SLIT1: variants seen among roughly 807,000 people sequenced by gnomAD.
SLIT1 encodes the protein slit guidance ligand 1.
SLIT1 carries 66 observed loss-of-function variants against 186.1 expected under a neutral mutation model. The ratio of observed to expected loss-of-function variants is 0.35; its 90% CI spans 0.29 to 0.44. The LOEUF (loss-of-function observed/expected upper bound fraction) is 0.44. Ranked by LOEUF, SLIT1 falls within the 20% of genes least tolerant of loss-of-function variation. The probability of loss-of-function intolerance (pLI) is 1.00; values close to 1 mark genes in which losing one functional copy is unlikely to be tolerated. For synonymous variants in SLIT1, 761 were observed against 833.8 expected (o/e 0.91, Z 1.50); for missense variants, 1,638 against 2,037.4 (o/e 0.80, Z 3.77).
At chr10:97,034,442 C>T in intron 23 of SLIT1, 29 bp downstream of exon 23, 5 of 1,579,106 alleles carry the variant, frequency 3.2e-6, no homozygotes, top group South Asian at 1.1e-5. Flanking sequence ...GGCCCCGGGG[C>T]CCCCCACCCC....
rs201720704 is a variant in SLIT1 at position 97,002,301 on chromosome 10, G to A, written c.4223C>T (p.Ser1408Leu). 184 of 1,611,410 alleles carry A rather than the reference G, an allele frequency of 1.1e-4. 1 individual carries two copies. In the East Asian group the frequency reaches 2.6e-3, roughly 22 times the overall value. The change falls in exon 36 of 37, where the codon TCG (serine) becomes TTG (leucine). Residue 1408 changes from serine to leucine, a missense_variant. Physicochemically the swap from Ser to Leu is moderately radical, Grantham distance 145. Coordinates refer to ENST00000266058, the MANE Select transcript of SLIT1 (RefSeq NM_003061.3). ...CCCGGCCTGGTTGCACAGTGCCCCC[G>A]AGTACCCATCCTGGCACTGGCAGCT... ...SYSCQCQDGY[S>L]GALCNQAGAL...
rs1394843983 is a variant in SLIT1 at position 97,063,474 on chromosome 10, C to T, written c.774G>A (p.Lys258=). 1.9e-6 allele frequency: 3 copies of T among 1,612,708 alleles called. No individual in the cohort carries two copies. In the Admixed American group the frequency reaches 5.0e-5, roughly 27 times the overall value. The change falls in exon 8 of 37, where the codon AAG becomes AAA. Residue 258 remains lysine (K), a synonymous_variant. Coordinates refer to ENST00000266058, the MANE Select transcript of SLIT1 (RefSeq NM_003061.3). Reference sequence around the variant, plus strand: ...ACCCACCTGAGCAGCTGAACTCACTCTTCTGGACCTCTGCCACATTGAGGC... The same window carrying T: ...ACCCACCTGAGCAGCTGAACTCACTTTTCTGGACCTCTGCCACATTGAGGC... ...LRGLNVAEVQ[K]SEFSCSGQGE... is the part of the protein sequence containing the mutation.
intron 1 of SLIT1, among the ~76,000 whole-genome samples, chr10:97,165,635 A>T (rs1206411027): frequency 6.6e-6 from 1 of 152,150 alleles, no homozygotes; most frequent in Non-Finnish European, 1.5e-5. Context: ...GCAGGCCCAG[A>T]TCACAGAAGG....
intron 4 of SLIT1, among the ~76,000 whole-genome samples, chr10:97,108,298 C>G (rs560670050): frequency 6.6e-6 from 1 of 152,212 alleles, no homozygotes; most frequent in East Asian, 1.9e-4. Context: ...GTCACTTTAA[C>G]CACATCACTT....
At chr10:97,058,295 G>A (rs964473309) in intron 11 of SLIT1, among the ~76,000 whole-genome samples, 3 of 152,198 alleles carry the variant, frequency 2.0e-5, no homozygotes, top group African/African-American at 4.8e-5. Context: ...CACTGTTGAT[G>A]GGGTGTACTG....
At chr10:97,119,626 G>T (rs1176792786) in intron 4 of SLIT1, among the ~76,000 whole-genome samples, 1 of 151,724 alleles carries the variant, frequency 6.6e-6, no homozygotes, top group Non-Finnish European at 1.5e-5. Flanking sequence ...ACGGCGCCTT[G>T]GGTTCACCCA....
In SLIT1 at chr10:97,010,865, A is replaced by T; in HGVS notation, c.3341+128T>A. The T allele has an allele frequency of 1.1e-6, 1 of 874,908 alleles. No individual in the cohort carries two copies. The highest frequency in any genetic ancestry group is 1.7e-6 in the Non-Finnish European group (1 of 571,764). 54.2% of individuals were successfully genotyped at this position (874,908 alleles called of 1,614,324 possible). On this transcript the variant is annotated intron_variant, in intron 31 of 36. Coordinates refer to ENST00000266058, the MANE Select transcript of SLIT1 (RefSeq NM_003061.3). This position sits in a 1 kb window ranked among gnomAD's most constrained non-coding sequence, Gnocchi z 4.8. ...GCTGGTGACTGGCAGAGCCACGGTT[A>T]AAACCCCAGCATCCAACTTCCAGGC...
intron 4 of SLIT1, chr10:97,157,509 A>G (rs1057087688): frequency 2.7e-6 from 1 of 368,838 alleles, no homozygotes. Flanking sequence ...GAGCCCCTGT[A>G]AAGGCTGGCA....
chr10:97,011,000 C>T lies in SLIT1; in HGVS notation c.3334G>A (p.Gly1112Ser). The T allele has an allele frequency of 1.2e-6, 2 of 1,614,080 alleles. No homozygotes were observed. The highest frequency in any genetic ancestry group is 2.2e-5 in the East Asian group (1 of 44,888). Residue 1112 changes from glycine to serine, a missense_variant, in exon 31 of 37, where the codon GGC becomes AGC. Coordinates refer to ENST00000266058, the MANE Select transcript of SLIT1 (RefSeq NM_003061.3). This position sits in a 1 kb window ranked among gnomAD's most constrained non-coding sequence, Gnocchi z 4.8. ...VNSYSCLCAE[G>S]YSGQLCEIPP... ...TGTCCAGGGGCTGCTCACCTGTAGC[C>T]CTCAGCACAGAGGCAGGAGTAGCTG...
intron 22 of SLIT1, among the ~76,000 whole-genome samples, chr10:97,037,467 CAGG>C (rs1050560728): frequency 6.6e-6 from 1 of 152,046 alleles, no homozygotes; most frequent in Non-Finnish European, 1.5e-5. Context: ...ACGGCGTGGG[CAGG>C]AGGAGGAGGC....
intron 4 of SLIT1, among the ~76,000 whole-genome samples, chr10:97,120,555 C>T (rs1261647354): frequency 1.3e-5 from 2 of 152,220 alleles, no homozygotes; most frequent in African/African-American, 4.8e-5. Context: ...TGCTTCACAC[C>T]GTGTGCACGG....
chr10:97,153,245 A>G (rs1184593611), intron 4 of SLIT1: 1 of 152,236 alleles, frequency 6.6e-6, no homozygotes, highest in Non-Finnish European at 1.5e-5. Flanking sequence ...AAATAGACAG[A>G]CTAACCTCAC....
chr10:97,133,678 T>A (rs1849675556), intron 4 of SLIT1, among the ~76,000 whole-genome samples: 1 of 152,200 alleles, frequency 6.6e-6, no homozygotes, highest in African/African-American at 2.4e-5. Context: ...ACAATTTAAA[T>A]TTTTTTAATA....
rs1221870454 is a variant in SLIT1, at chr10:97,002,360, A to G, written c.4164T>C (p.His1388=). ...GAGCGTCGAGGGGCACGCATTGCCC[A>G]TGGACACACCTGGAGGAGACAGAGA... ...DGPCHGHKCV[H]GQCVPLDALS... Residue 1388 remains histidine (H), a synonymous_variant, in exon 36 of 37, where the codon CAT becomes CAC. Coordinates refer to ENST00000266058, the MANE Select transcript of SLIT1 (RefSeq NM_003061.3). 6.2e-7 allele frequency: 1 copy of G among 1,603,502 alleles called. No individual in the cohort carries two copies. Among genetic ancestry groups the G allele is most frequent in the Non-Finnish European group, 8.5e-7 (1 of 1,175,976 alleles).
intron 4 of SLIT1, among the ~76,000 whole-genome samples, chr10:97,089,810 T>C (rs1849211275): frequency 6.6e-6 from 1 of 152,056 alleles, no homozygotes; most frequent in Non-Finnish European, 1.5e-5. Context: ...CAACAAGCAT[T>C]TCACATGTCA....
chr10:97,040,788 C>CA (rs979994477), intron 20 of SLIT1, among the ~76,000 whole-genome samples: 27 of 152,290 alleles, frequency 1.8e-4, no homozygotes, highest in African/African-American at 6.3e-4. Flanking sequence ...TTCATCTATT[C>CA]AAAAAATCTG....
chr10:97,004,927 T>G lies in SLIT1; in HGVS notation c.3580-104A>C. On this transcript the variant is annotated intron_variant, in intron 32 of 36. Transcript: ENST00000266058. The surrounding 1 kb of genome is among the most constrained non-coding windows in gnomAD (Gnocchi z 5.1). ...ACCCAAGATTGGAAGAGAGATGCTC[T>G]GTGCAGAGCGCTCTTCCCCCACCTG... 1 of 1,381,094 alleles carries G rather than the reference T, an allele frequency of 7.2e-7. No individual in the cohort carries two copies. Among genetic ancestry groups the G allele is most frequent in the Non-Finnish European group, 1.0e-6 (1 of 989,528 alleles). The allele number at this position is 1,381,094 out of a possible 1,614,324, so 85.6% of individuals were successfully genotyped here.
At chr10:97,008,357 A>G (rs911202591) in intron 31 of SLIT1, among the ~76,000 whole-genome samples, 1 of 152,222 alleles carries the variant, frequency 6.6e-6, no homozygotes, top group African/African-American at 2.4e-5. Flanking sequence ...AAATAAATGG[A>G]AAGGCATTCA....
intron 4 of SLIT1, among the ~76,000 whole-genome samples, chr10:97,144,118 A>T (rs1181976564): frequency 6.6e-6 from 1 of 152,052 alleles, no homozygotes; most frequent in Non-Finnish European, 1.5e-5. Flanking sequence ...GAATCTCTTG[A>T]ACCCGGGAGG....
Sources: allele counts gnomAD v4.1 joint callset (sites outside exome capture counted in the v4.1 genomes callset), GRCh38; gene constraint gnomAD v4.1.1; non-coding constraint Gnocchi (gnomAD v3.1); transcripts MANE v1.5; gene names NCBI Gene and HGNC (gene_info 2026-07-23, HGNC 2026-07-21).